ALG6: variants seen among roughly 807,000 people sequenced by gnomAD.
The protein encoded by ALG6 is dolichyl pyrophosphate Man9GlcNAc2 alpha-1,3-glucosyltransferase.
A neutral mutation model predicts 66.6 loss-of-function variants in ALG6; 46 were observed. The observed-to-expected ratio is 0.69, with a 90% CI of 0.55 to 0.88. The LOEUF is 0.88. Ranked by LOEUF, ALG6 falls within the 40% of genes least tolerant of loss-of-function variation. The probability of loss-of-function intolerance (pLI) is 0.00; values close to 1 mark genes in which losing one functional copy is unlikely to be tolerated. For synonymous variants in ALG6, 185 were observed against 203.7 expected (o/e 0.91, Z 0.78); for missense variants, 505 against 586.8 (o/e 0.86, Z 1.44).
At chr1:63,415,540 CTTATT>C (rs1008267395) in intron 10 of ALG6, among the ~76,000 whole-genome samples, 19 of 152,028 alleles carry the variant, frequency 1.2e-4, no homozygotes, top group Non-Finnish European at 1.5e-4. Flanking sequence ...ATTATGTTTT[CTTATT>C]TTGAGTGTTT....
chr1:63,437,959 T>C lies in ALG6; in HGVS notation c.*939T>C, dbSNP rs779294770. 3 of 152,168 alleles carry C rather than the reference T, an allele frequency of 2.0e-5. No homozygotes were observed. The allele number at this position is 152,168 out of a possible 1,614,324, so 9.4% of individuals were successfully genotyped here. A position where few individuals can be genotyped will look rare whatever the true frequency, so the allele number is the denominator to read the frequency against. ...GTATTCAACTGGTAAAAATAATACATGATATCCATGTTGCAGTTTCTCATA... is the reference window on the plus strand; with the variant it reads ...GTATTCAACTGGTAAAAATAATACACGATATCCATGTTGCAGTTTCTCATA... On this transcript the variant is annotated 3_prime_UTR_variant, in exon 15 of 15. Coordinates refer to ENST00000263440, the MANE Select transcript of ALG6 (RefSeq NM_013339.4).
intron 8 of ALG6, 67 bp from the exon 9 acceptor site, chr1:63,411,859 C>T: frequency 6.3e-7 from 1 of 1,599,860 alleles, no homozygotes; most frequent in Non-Finnish European, 8.6e-7. Context: ...TTCAGTGAGA[C>T]TCAGGTTGAT....
At position 63,370,840 on chromosome 1, in the gene ALG6, C is replaced by T; in HGVS notation, c.-138C>T. 1 of 708,326 alleles carries T rather than the reference C, an allele frequency of 1.4e-6. No individual in the cohort carries two copies. The highest frequency in any genetic ancestry group is 2.4e-4 in the Middle Eastern group (1 of 4,210). The allele number at this position is 708,326 out of a possible 1,614,324, so 43.9% of individuals were successfully genotyped here. A position where few individuals can be genotyped will look rare whatever the true frequency, so the allele number is the denominator to read the frequency against. ...CAAGCATCATTAAAATTCTCTCAAACTCCTAATTGCGAAGAATCGATAACA... is the reference window on the plus strand; with the variant it reads ...CAAGCATCATTAAAATTCTCTCAAATTCCTAATTGCGAAGAATCGATAACA... On this transcript the variant is annotated 5_prime_UTR_variant, in exon 2 of 15. Transcript: ENST00000263440.
chr1:63,422,292 T>A (rs1301549512), intron 12 of ALG6, among the ~76,000 whole-genome samples: 4 of 73,356 alleles, frequency 5.5e-5, no homozygotes, highest in African/African-American at 7.1e-5. Flanking sequence ...TATATATATT[T>A]ATATAGATAT....
At chr1:63,400,228 T>C (rs1182837532) in intron 3 of ALG6, among the ~76,000 whole-genome samples, 1 of 22,964 alleles carries the variant, frequency 4.4e-5, no homozygotes, top group African/African-American at 3.8e-4. Flanking sequence ...TATACGTATA[T>C]ATATATATAT....
At chr1:63,412,136 T>G (rs748548400) in intron 9 of ALG6, 75 bp downstream of exon 9, 126 of 1,596,378 alleles carry the variant, frequency 7.9e-5, no homozygotes, top group Non-Finnish European at 1.0e-4. Context: ...ATGTAGAAGG[T>G]ACAAGGAATA....
At chr1:63,375,888 A>T (rs926208239) in intron 2 of ALG6, among the ~76,000 whole-genome samples, 2 of 152,204 alleles carry the variant, frequency 1.3e-5, no homozygotes, top group African/African-American at 4.8e-5. Flanking sequence ...ATGTATTGAC[A>T]TAAAATTATT....
chr1:63,370,161 T>TAAA, intron 1 of ALG6, among the ~76,000 whole-genome samples: 1 of 139,876 alleles, frequency 7.1e-6, no homozygotes, highest in East Asian at 2.1e-4. Context: ...AGGAAAACTG[T>TAAA]AAAAAAAAAA....
At chr1:63,401,584 TA>T (rs536462989) in intron 3 of ALG6, among the ~76,000 whole-genome samples, 277 of 135,338 alleles carry the variant, frequency 2.0e-3, no homozygotes, top group African/African-American at 3.5e-3. Flanking sequence ...GAGAATCGCT[TA>T]AAAAAAAAAA....
intron 2 of ALG6, among the ~76,000 whole-genome samples, chr1:63,394,667 C>A (rs1231633492): frequency 1.3e-5 from 2 of 152,002 alleles, no homozygotes; most frequent in African/African-American, 4.8e-5. Context: ...CACGCCCGGC[C>A]ACCTTTATGT....
chr1:63,432,753 A>G (rs1436265734), intron 14 of ALG6, among the ~76,000 whole-genome samples: 5 of 152,176 alleles, frequency 3.3e-5, no homozygotes, highest in Non-Finnish European at 7.3e-5. Context: ...ATATTTGACA[A>G]CTACTACAAA....
intron 2 of ALG6, among the ~76,000 whole-genome samples, chr1:63,374,918 T>TA (rs1648066673): frequency 6.6e-6 from 1 of 152,104 alleles, no homozygotes; most frequent in African/African-American, 2.4e-5. Context: ...ACATACTACA[T>TA]AAAAATGTAG....
At chr1:63,374,500 T>C (rs1006215879) in intron 2 of ALG6, among the ~76,000 whole-genome samples, 1 of 151,818 alleles carries the variant, frequency 6.6e-6, no homozygotes, top group Non-Finnish European at 1.5e-5. Context: ...TGGTGGCGGG[T>C]GCCTGTAGTC....
At chr1:63,396,281 C>T (rs974936724) in intron 2 of ALG6, among the ~76,000 whole-genome samples, 11 of 151,990 alleles carry the variant, frequency 7.2e-5, no homozygotes, top group African/African-American at 2.7e-4. Context: ...TGTATTGATC[C>T]TGTTTTTAAT....
chr1:63,371,211 A>G, intron 2 of ALG6, 152 bp downstream of exon 2: 1 of 625,884 alleles, frequency 1.6e-6, no homozygotes, highest in Non-Finnish European at 2.8e-6. Context: ...GTCCAGTTCT[A>G]ATAGAAAGAA....
At chr1:63,413,493 T>A (rs116466317) in intron 9 of ALG6, among the ~76,000 whole-genome samples, 119 of 152,302 alleles carry the variant, frequency 7.8e-4, no homozygotes, top group Non-Finnish European at 1.1e-3. Flanking sequence ...TGATGTTAAG[T>A]CTGCACAGCT....
intron 8 of ALG6, among the ~76,000 whole-genome samples, chr1:63,411,590 T>C (rs1418844336): frequency 6.6e-6 from 1 of 152,234 alleles, no homozygotes; most frequent in Non-Finnish European, 1.5e-5. Flanking sequence ...TGTAGGATTT[T>C]ATCACTTTAG....
intron 2 of ALG6, among the ~76,000 whole-genome samples, chr1:63,396,068 A>G (rs1236155333): frequency 6.6e-6 from 1 of 152,174 alleles, no homozygotes; most frequent in Non-Finnish European, 1.5e-5. Flanking sequence ...ATACTATGGC[A>G]TTTTATATAA....
chr1:63,423,034 T>G (rs984358490), intron 12 of ALG6, among the ~76,000 whole-genome samples: 3 of 151,514 alleles, frequency 2.0e-5, no homozygotes, highest in African/African-American at 7.3e-5. Context: ...ATTTTTTTTT[T>G]TTTTTTTGAG....
Sources: gnomAD v4.1 joint callset for allele counts (sites outside exome capture counted in the v4.1 genomes callset) on GRCh38, gnomAD v4.1.1 for gene constraint, MANE v1.5 for transcripts, NCBI Gene and HGNC (gene_info 2026-07-23, HGNC 2026-07-21) for gene names.